SLC24A2: variants seen among roughly 807,000 people sequenced by gnomAD.
The protein encoded by SLC24A2 is solute carrier family 24 member 2.
Under a neutral mutation model 62.0 loss-of-function variants are expected in SLC24A2, and 36 were observed. The ratio of observed to expected loss-of-function variants is 0.58; its 90% CI spans 0.44 to 0.77. The LOEUF (loss-of-function observed/expected upper bound fraction) is 0.77, where lower values mean the gene tolerates loss of function less well. SLC24A2 is among the 30% of genes least tolerant of loss of function. The probability of loss-of-function intolerance (pLI) is 0.00; values close to 1 mark genes in which losing one functional copy is unlikely to be tolerated. For missense variants in SLC24A2, 846 were observed against 817.9 expected, an observed-to-expected ratio of 1.03 and a Z score of -0.42; for synonymous variants, 358 against 294.0, an observed-to-expected ratio of 1.22 and a Z score of -2.23.
At chr9:19,531,787 A>G (rs998584992) in intron 8 of SLC24A2, among the ~76,000 whole-genome samples, 7 of 148,366 alleles carry the variant, frequency 4.7e-5, no homozygotes, top group African/African-American at 1.7e-4. Context: ...AATTACCAGC[A>G]ATGTGACCTG....
At chr9:19,967,586 C>G in the SLC24A2 span, 1 of 152,154 alleles carries the variant, frequency 6.6e-6, no homozygotes, top group Non-Finnish European at 1.5e-5. Context: ...GCTTCCAGTT[C>G]TTTATATCAA....
At chr9:19,935,041 A>ATTTATTTTAT in the SLC24A2 span, among the ~76,000 whole-genome samples, 12 of 151,312 alleles carry the variant, frequency 7.9e-5, no homozygotes, top group East Asian at 1.4e-3. Context: ...TATTTTATTT[A>ATTTATTTTAT]TTTATTTTAT....
intron 5 of SLC24A2, among the ~76,000 whole-genome samples, chr9:19,590,679 C>T (rs1288750913): frequency 2.0e-5 from 3 of 152,162 alleles, no homozygotes; most frequent in Non-Finnish European, 2.9e-5. Context: ...CCTGCAACAC[C>T]TGGCTCCTTA....
the SLC24A2 span, among the ~76,000 whole-genome samples, chr9:19,946,176 A>G: frequency 6.6e-6 from 1 of 152,220 alleles, no homozygotes; most frequent in African/African-American, 2.4e-5. Context: ...CACTAAGTCC[A>G]TCCCCCAGCT....
At chr9:19,683,361 T>C (rs1408424704) in intron 2 of SLC24A2, among the ~76,000 whole-genome samples, 2 of 152,114 alleles carry the variant, frequency 1.3e-5, no homozygotes, top group Non-Finnish European at 2.9e-5. Context: ...CATAGGTTTC[T>C]GGGAGATTAC....
Position 19,558,621 on chromosome 9 carries a change from G to A in SLC24A2, c.1348-8353C>T, listed in dbSNP as rs118146413. On this transcript the variant is annotated intron_variant, in intron 7 of 10. Coordinates refer to ENST00000341998, the MANE Select transcript of SLC24A2 (RefSeq NM_020344.4). ...CCTTTATAACAATAAACTTTCCTGG[G>A]GCTAACTTTAGCAAGAACTGAAATA... Among the ~76,000 whole-genome samples the A allele has an allele frequency of 3.7e-3, 570 of 152,192 alleles. 3 individuals are homozygous for A. The highest frequency in any genetic ancestry group is 0.02 in the Admixed American group (308 of 15,276).
chr9:19,585,216 G>T (rs1344173938), intron 5 of SLC24A2, among the ~76,000 whole-genome samples: 1 of 152,042 alleles, frequency 6.6e-6, no homozygotes, highest in Non-Finnish European at 1.5e-5. Flanking sequence ...CACCTGTCTT[G>T]TCTCTCTTAC....
the SLC24A2 span, among the ~76,000 whole-genome samples, chr9:20,262,086 A>G: frequency 1.3e-5 from 2 of 152,140 alleles, no homozygotes; most frequent in African/African-American, 4.8e-5. Context: ...AACATTGCTA[A>G]CATGTTACAT....
chr9:19,950,075 AG>A, the SLC24A2 span, among the ~76,000 whole-genome samples: 1 of 152,204 alleles, frequency 6.6e-6, no homozygotes, highest in Admixed American at 6.5e-5. Context: ...AGTGGTTAAA[AG>A]GATAGATTCT....
chr9:20,135,223 C>G, the SLC24A2 span, among the ~76,000 whole-genome samples: 1 of 152,048 alleles, frequency 6.6e-6, no homozygotes, highest in Admixed American at 6.5e-5. Flanking sequence ...AATTTAAATT[C>G]TAACCCAATA....
chr9:19,860,377 C>T, the SLC24A2 span, among the ~76,000 whole-genome samples: 1 of 152,116 alleles, frequency 6.6e-6, no homozygotes, highest in African/African-American at 2.4e-5. Flanking sequence ...AGGCAAGAAC[C>T]CAGTCCTGGC....
the SLC24A2 span, among the ~76,000 whole-genome samples, chr9:20,158,392 C>T: frequency 4.6e-5 from 7 of 151,600 alleles, no homozygotes; most frequent in Admixed American, 4.6e-4. Context: ...GGGTCCACCC[C>T]CATGATTCAG....
the SLC24A2 span, among the ~76,000 whole-genome samples, chr9:19,851,000 TAC>T: frequency 8.6e-4 from 39 of 45,128 alleles, 2 homozygotes; most frequent in African/African-American, 2.5e-3. Context: ...TATATATATA[TAC>T]ACATACATAT....
chr9:19,700,825 A>C (rs1219654894), intron 2 of SLC24A2, among the ~76,000 whole-genome samples: 14 of 152,122 alleles, frequency 9.2e-5, no homozygotes, highest in Non-Finnish European at 4.4e-5. Context: ...TGTTTCCTTT[A>C]ATTAACCTTC....
chr9:19,805,380 C>G, the SLC24A2 span, among the ~76,000 whole-genome samples: 1 of 152,142 alleles, frequency 6.6e-6, no homozygotes, highest in South Asian at 2.1e-4. Context: ...TAATCAATAC[C>G]TTAATGTTTG....
the SLC24A2 span, chr9:19,926,720 C>G: frequency 6.6e-6 from 1 of 152,454 alleles, no homozygotes; most frequent in African/African-American, 2.4e-5. Context: ...TGCCATCTCT[C>G]TACACTGCAC....
chr9:20,286,834 G>C, the SLC24A2 span, among the ~76,000 whole-genome samples: 3 of 152,178 alleles, frequency 2.0e-5, no homozygotes, highest in African/African-American at 7.2e-5. Context: ...GGCCGAGAAA[G>C]GATGCTTAAC....
chr9:19,523,471 T>G (rs1347567684), intron 9 of SLC24A2, among the ~76,000 whole-genome samples: 4 of 152,134 alleles, frequency 2.6e-5, no homozygotes, highest in Non-Finnish European at 5.9e-5. Context: ...TAACTTAATA[T>G]GTTTTTTTTG....
chr9:19,993,577 G>T, the SLC24A2 span, among the ~76,000 whole-genome samples: 2 of 152,148 alleles, frequency 1.3e-5, no homozygotes, highest in Non-Finnish European at 2.9e-5. Context: ...AACATTTATA[G>T]AGTACCTGCT....
Sources: gnomAD v4.1 joint callset for allele counts (sites outside exome capture counted in the v4.1 genomes callset) on GRCh38, gnomAD v4.1.1 for gene constraint, MANE v1.5 for transcripts, NCBI Gene and HGNC (gene_info 2026-07-23, HGNC 2026-07-21) for gene names.